Variants in HERC5 observed in about 807,000 individuals in gnomAD.
HERC5 encodes the protein HECT and RLD domain containing E3 ubiquitin protein ligase 5, also known as E3 ISG15--protein ligase HERC5.
Under a neutral mutation model 119.6 loss-of-function variants are expected in HERC5, and 99 were observed. The observed-to-expected ratio is 0.83, with a 90% CI of 0.70 to 0.98. The LOEUF (loss-of-function observed/expected upper bound fraction) is 0.98. Among genes scored for constraint, HERC5 ranks in the 50% least tolerant of loss-of-function variants. The pLI, the probability that HERC5 is intolerant of heterozygous loss-of-function variation, is 0.00. For synonymous variants in HERC5, 478 were observed against 445.9 expected (o/e 1.07, Z -0.91); for missense variants, 1,267 against 1,241.3 (o/e 1.02, Z -0.31).
intron 2 of HERC5, 34 bp from the exon 3 acceptor site, chr4:88,460,061 G>A (rs924576368): frequency 1.8e-6 from 2 of 1,113,972 alleles, no homozygotes; most frequent in African/African-American, 3.1e-5. Context: ...CTTTCATTAT[G>A]GTGATTAACA....
chr4:88,483,013 TTA>T (rs1741331665), intron 13 of HERC5, among the ~76,000 whole-genome samples: 1 of 152,116 alleles, frequency 6.6e-6, no homozygotes, highest in African/African-American at 2.4e-5. Flanking sequence ...TTTGAATTAT[TTA>T]TGTTTTCTTT....
chr4:88,462,551 G>C (rs183998794), intron 4 of HERC5, among the ~76,000 whole-genome samples, 195 bp downstream of exon 4: 1 of 152,338 alleles, frequency 6.6e-6, no homozygotes, highest in East Asian at 1.9e-4. Flanking sequence ...ATTGAGACAT[G>C]TTTCAGGGCT....
At chr4:88,476,656 C>T (rs770144086) in intron 12 of HERC5, among the ~76,000 whole-genome samples, 10 of 152,178 alleles carry the variant, frequency 6.6e-5, no homozygotes, top group Admixed American at 1.3e-4. Context: ...CACGGTGGCT[C>T]ATGCCTGTAA....
At chr4:88,480,955 G>C (rs1302698114) in intron 13 of HERC5, among the ~76,000 whole-genome samples, 1 of 151,854 alleles carries the variant, frequency 6.6e-6, no homozygotes, top group Non-Finnish European at 1.5e-5. Flanking sequence ...TTTGCTTTAT[G>C]GTATTTTTTG....
At chr4:88,472,231 A>G (rs1740898976) in intron 10 of HERC5, among the ~76,000 whole-genome samples, 178 bp from the exon 11 acceptor site, 1 of 152,114 alleles carries the variant, frequency 6.6e-6, no homozygotes, top group Non-Finnish European at 1.5e-5. Context: ...CAGCCTTGAT[A>G]TTTTTTGGTA....
intron 7 of HERC5, among the ~76,000 whole-genome samples, chr4:88,467,489 CTTACTAATTCTTGTAATTAGTTGT>C (rs1378214589): frequency 1.3e-5 from 2 of 152,220 alleles, no homozygotes; most frequent in East Asian, 1.9e-4. Context: ...TTGCAAGAGA[CTTACTAATTCTTGTAATTAGTTGT>C]TTACTAATTC....
intron 9 of HERC5, among the ~76,000 whole-genome samples, chr4:88,469,940 A>G (rs1740810241): frequency 1.3e-5 from 2 of 152,132 alleles, no homozygotes; most frequent in African/African-American, 4.8e-5. Context: ...TAGAGTCTAT[A>G]GTGTTTCCCA....
chr4:88,488,926 A>G (rs1262605073), intron 15 of HERC5, among the ~76,000 whole-genome samples: 3 of 152,158 alleles, frequency 2.0e-5, no homozygotes, highest in African/African-American at 7.2e-5. Flanking sequence ...GCAGTTGGTA[A>G]CTTACTTGCT....
intron 12 of HERC5, 143 bp downstream of exon 12, chr4:88,476,173 A>T (rs777359798): frequency 4.9e-6 from 3 of 609,548 alleles, no homozygotes; most frequent in Non-Finnish European, 8.3e-6. Flanking sequence ...AGGTACTATA[A>T]CAATTACCAT....
At position 88,467,204 on chromosome 4, in the gene HERC5, G is replaced by A. The variant is rs144890220; in HGVS notation, c.1057G>A (p.Glu353Lys). The A allele has an allele frequency of 6.2e-7, 1 of 1,613,816 alleles. No individual in the cohort carries two copies. The highest frequency in any genetic ancestry group is 8.5e-7 in the Non-Finnish European group (1 of 1,179,816). The change falls in exon 7 of 23, where the codon GAA (glutamate) becomes AAA (lysine). Residue 353 changes from glutamate (E) to lysine (K), a missense_variant and splice_region_variant. Glu to Lys is a moderately conservative substitution (Grantham distance 56). Coordinates refer to ENST00000264350, the MANE Select transcript of HERC5 (RefSeq NM_016323.4). ...ATCATCAAGTGAAGAACTCAAACTT[G>A]GTAAATTCTATAGGAACATAGGGTT... is the stretch of plus-strand genomic sequence containing the variant. ...KVSSSEELKL[E>K]SHTSEKELIM...
chr4:88,496,996 T>C (rs1294565128), intron 18 of HERC5, among the ~76,000 whole-genome samples: 1 of 152,144 alleles, frequency 6.6e-6, no homozygotes, highest in Admixed American at 6.5e-5. Context: ...AGGACACCAT[T>C]GAAAAGGAAT....
At position 88,487,077 on chromosome 4, in the gene HERC5, A is replaced by G; in HGVS notation, c.1860A>G (p.Ser620=). 6.2e-6 allele frequency: 10 copies of G among 1,607,534 alleles called. No homozygotes were observed. The highest frequency in any genetic ancestry group is 6.8e-6 in the Non-Finnish European group (8 of 1,176,492). ...GTCATTTCCATTTTTAGGACGCTTC[A>G]GAAAATGTACAATGCTGCGTCATAT... ...RYLWKMTVDA[S]ENVQCCVIFS... is the part of the protein sequence containing the mutation. The change falls in exon 15 of 23, where the codon TCA becomes TCG. Residue 620 remains serine, a synonymous_variant. Transcript: ENST00000264350.
Position 88,464,403 on chromosome 4 carries a change from T to C in HERC5, c.911+418T>C, listed in dbSNP as rs149708039. Among the ~76,000 whole-genome samples, 339 of 152,292 alleles carry C rather than the reference T, an allele frequency of 2.2e-3. 3 individuals carry two copies. Among genetic ancestry groups the C allele is most frequent in the African/African-American group, 7.8e-3 (326 of 41,590 alleles). On this transcript the variant is annotated intron_variant, in intron 6 of 22. Coordinates refer to ENST00000264350, the MANE Select transcript of HERC5 (RefSeq NM_016323.4). The stretch of plus-strand genomic sequence containing the variant: ...CTTTTTAATTACCAGAGTTCTTTCA[T>C]TGTAGCCTGCCCTGATCACAGTAAA...
At position 88,504,399 on chromosome 4, in the gene HERC5, G is replaced by T. The variant is rs759939062; in HGVS notation, c.2750G>T (p.Trp917Leu). The stretch of plus-strand genomic sequence containing the variant: ...ATTGTTGGAAATACAGATTATGATT[G>T]GAAAACATTTGAAAAGGTACATCAT... ...DVIVGNTDYD[W>L]KTFEKNARYE... Residue 917 changes from tryptophan to leucine, a missense_variant, in exon 21 of 23, where the codon TGG becomes TTG. Transcript: ENST00000264350. 1 of 1,600,222 alleles carries T rather than the reference G, an allele frequency of 6.2e-7. No homozygotes were observed. Among genetic ancestry groups the T allele is most frequent in the Non-Finnish European group, 8.5e-7 (1 of 1,170,522 alleles).
At chr4:88,498,236 G>A (rs1352510315) in intron 18 of HERC5, among the ~76,000 whole-genome samples, 1 of 152,170 alleles carries the variant, frequency 6.6e-6, no homozygotes, top group East Asian at 1.9e-4. Flanking sequence ...GAGTGAGGCT[G>A]CTCTAGAGAC....
rs1344752945 is a variant in HERC5, at chr4:88,457,335, G to A, written c.66G>A (p.Ala22=). 2 of 1,407,188 alleles carry A rather than the reference G, an allele frequency of 1.4e-6. No homozygotes were observed. Among genetic ancestry groups the A allele is most frequent in the East Asian group, 3.0e-5 (1 of 32,830 alleles). 87.2% of individuals were successfully genotyped at this position (1,407,188 alleles called of 1,614,324 possible). A position where few individuals can be genotyped will look rare whatever the true frequency, so the allele number is the denominator to read the frequency against. ...NGRSTAGKAA[A]TQPAKSPGAQ... The stretch of plus-strand genomic sequence containing the variant: ...GCTCGACCGCGGGCAAGGCCGCCGC[G>A]ACCCAGCCCGCGAAGTCTCCGGGCG... Residue 22 remains alanine (A), a synonymous_variant, in exon 1 of 23, where the codon GCG becomes GCA. Transcript: ENST00000264350.
intron 6 of HERC5, among the ~76,000 whole-genome samples, 164 bp downstream of exon 6, chr4:88,464,149 T>C (rs1007277217): frequency 2.0e-5 from 3 of 151,228 alleles, no homozygotes; most frequent in African/African-American, 7.3e-5. Flanking sequence ...CCTTTTACTA[T>C]ACATGGTTGT....
chr4:88,481,456 G>A (rs1182385462), intron 13 of HERC5, among the ~76,000 whole-genome samples: 1 of 152,066 alleles, frequency 6.6e-6, no homozygotes, highest in Non-Finnish European at 1.5e-5. Context: ...GTTATAGCTT[G>A]TCTTTTGCTT....
intron 18 of HERC5, among the ~76,000 whole-genome samples, chr4:88,498,817 C>T (rs1308712440): frequency 6.6e-6 from 1 of 152,168 alleles, no homozygotes; most frequent in African/African-American, 2.4e-5. Context: ...GTGATCCACC[C>T]GCCTCGGCCT....
Sources: allele counts gnomAD v4.1 joint callset (sites outside exome capture counted in the v4.1 genomes callset), GRCh38; gene constraint gnomAD v4.1.1; transcripts MANE v1.5; gene names NCBI Gene and HGNC (gene_info 2026-07-23, HGNC 2026-07-21).